BACH2: variants seen among roughly 807,000 people sequenced by gnomAD.
The protein encoded by BACH2 is transcription regulator protein BACH2.
A neutral mutation model predicts 61.8 loss-of-function variants in BACH2; 5 were observed. The ratio of observed to expected loss-of-function variants is 0.08; its 90% CI spans 0.04 to 0.17. The LOEUF is 0.17. Ranked by LOEUF, BACH2 falls within the 10% of genes least tolerant of loss-of-function variation. The probability of loss-of-function intolerance (pLI) is 1.00; values close to 1 mark genes in which losing one functional copy is unlikely to be tolerated. For synonymous variants in BACH2, 446 were observed against 440.1 expected, an observed-to-expected ratio of 1.01 and a Z score of -0.17; for missense variants, 824 against 1,091.1, an observed-to-expected ratio of 0.76 and a Z score of 3.45.
chr6:90,165,234 A>G (rs1767567207), intron 4 of BACH2, among the ~76,000 whole-genome samples: 2 of 152,336 alleles, frequency 1.3e-5, no homozygotes, highest in African/African-American at 2.4e-5. Context: ...TATAAAATCA[A>G]TGTACAAAAA....
At chr6:89,997,128 A>T (rs1380045716) in intron 6 of BACH2, among the ~76,000 whole-genome samples, 1 of 152,148 alleles carries the variant, frequency 6.6e-6, no homozygotes, top group Non-Finnish European at 1.5e-5. Flanking sequence ...ATATAGCTGA[A>T]ATCCCTCCTG....
chr6:90,118,292 T>C (rs1783484985), intron 4 of BACH2, among the ~76,000 whole-genome samples: 1 of 152,198 alleles, frequency 6.6e-6, no homozygotes, highest in Non-Finnish European at 1.5e-5. Context: ...CTGACTAGCT[T>C]TTTCTGCTCT....
At chr6:90,068,760 A>C (rs550346039) in intron 5 of BACH2, among the ~76,000 whole-genome samples, 2 of 152,064 alleles carry the variant, frequency 1.3e-5, no homozygotes, top group African/African-American at 4.8e-5. Context: ...TGGGAGAAAA[A>C]CCAGAAGAAA....
chr6:90,113,037 T>C (rs563501010), intron 4 of BACH2, among the ~76,000 whole-genome samples: 5 of 152,320 alleles, frequency 3.3e-5, no homozygotes, highest in South Asian at 2.1e-4. Flanking sequence ...AAATGTTCAA[T>C]TCAACAAGAA....
Position 89,950,038 on chromosome 6 carries a change from C to T in BACH2, c.1836+232G>A, listed in dbSNP as rs1773982419. On this transcript the variant is annotated intron_variant, in intron 7 of 8. Coordinates refer to ENST00000257749, the MANE Select transcript of BACH2 (RefSeq NM_021813.4). This position sits in a 1 kb window ranked among gnomAD's most constrained non-coding sequence, Gnocchi z 5.3. ...ATTTTTACTCAGCAGCTTGCCTCTG[C>T]TTGTCGAGTATTGAGATCCAGATCA... The T allele has an allele frequency of 3.4e-6, 2 of 582,462 alleles. No homozygotes were observed. The highest frequency in any genetic ancestry group is 3.7e-5 in the African/African-American group (2 of 53,726). 36.1% of individuals were successfully genotyped at this position (582,462 alleles called of 1,614,324 possible).
intron 3 of BACH2, among the ~76,000 whole-genome samples, chr6:90,226,065 T>G (rs1209105844): frequency 1.3e-5 from 2 of 152,142 alleles, no homozygotes; most frequent in Non-Finnish European, 2.9e-5. Context: ...TGAGAACCAC[T>G]GCCCTACAGA....
At chr6:90,022,824 T>A (rs983602418) in intron 5 of BACH2, among the ~76,000 whole-genome samples, 11 of 152,190 alleles carry the variant, frequency 7.2e-5, no homozygotes, top group African/African-American at 2.7e-4. Context: ...TCTAGCAAAG[T>A]TGAAGATATG....
chr6:89,973,130 G>T (rs959847562), intron 6 of BACH2, among the ~76,000 whole-genome samples: 9 of 152,184 alleles, frequency 5.9e-5, no homozygotes, highest in African/African-American at 2.2e-4. Context: ...GGCTGGGCGT[G>T]TTGGCTTGGG....
chr6:90,163,843 TAATA>T (rs1166854825), intron 4 of BACH2, among the ~76,000 whole-genome samples: 1 of 152,184 alleles, frequency 6.6e-6, no homozygotes, highest in Non-Finnish European at 1.5e-5. Flanking sequence ...ACTTTTTCCT[TAATA>T]ACTTATAATT....
intron 3 of BACH2, among the ~76,000 whole-genome samples, chr6:90,226,966 G>A (rs2127858551): frequency 6.6e-6 from 1 of 152,328 alleles, no homozygotes; most frequent in East Asian, 1.9e-4. Flanking sequence ...TAGTATGTGA[G>A]ATTGCTGCTC....
intron 6 of BACH2, among the ~76,000 whole-genome samples, chr6:89,989,374 A>G (rs1776415207): frequency 6.6e-6 from 1 of 152,170 alleles, no homozygotes; most frequent in Non-Finnish European, 1.5e-5. Context: ...TACTTTAGGT[A>G]TGTCACATAA....
intron 8 of BACH2, among the ~76,000 whole-genome samples, chr6:89,936,398 T>C (rs907258536): frequency 3.3e-5 from 5 of 152,094 alleles, no homozygotes; most frequent in African/African-American, 1.2e-4. Flanking sequence ...TGCCTCAGCC[T>C]CCCAAAGTAC....
At chr6:90,207,110 CTTTTTT>C (rs2127849775) in intron 3 of BACH2, among the ~76,000 whole-genome samples, 1 of 151,742 alleles carries the variant, frequency 6.6e-6, no homozygotes, top group East Asian at 1.9e-4. Flanking sequence ...TCTTCTTTGT[CTTTTTT>C]GTTTTTGTTT....
chr6:89,933,003 A>C (rs1772768643), intron 8 of BACH2, 113 bp from the exon 9 acceptor site: 57 of 1,195,946 alleles, frequency 4.8e-5, no homozygotes, highest in African/African-American at 7.6e-5. Context: ...AATGTAACTC[A>C]AGAATGACTA....
chr6:90,035,962 T>C (rs1289139001), intron 5 of BACH2, among the ~76,000 whole-genome samples: 1 of 151,918 alleles, frequency 6.6e-6, no homozygotes, highest in Non-Finnish European at 1.5e-5. Flanking sequence ...AGACAATTTT[T>C]GTTCTAAAAT....
intron 6 of BACH2, among the ~76,000 whole-genome samples, chr6:89,973,739 T>A (rs1445727669): frequency 1.3e-5 from 2 of 152,098 alleles, no homozygotes; most frequent in Non-Finnish European, 2.9e-5. Flanking sequence ...TAGAGGAGTC[T>A]TATTCTCTCG....
chr6:90,211,138 A>AAAG (rs1039694953), intron 3 of BACH2, among the ~76,000 whole-genome samples: 3 of 150,968 alleles, frequency 2.0e-5, no homozygotes, highest in Non-Finnish European at 3.0e-5. Flanking sequence ...AAAAAAAAAA[A>AAAG]AAAAAAAAAA....
chr6:89,930,532 A>C lies in BACH2; in HGVS notation c.*1876T>G, dbSNP rs1772584626. The stretch of plus-strand genomic sequence containing the variant: ...GGACTCTCTTCCCCAGCCGGGCTGG[A>C]GTGGCCCTCGGGCTGCTCAGTGAGA... On this transcript the variant is annotated 3_prime_UTR_variant, in exon 9 of 9. Transcript: ENST00000257749. The C allele has an allele frequency of 6.5e-6, 1 of 152,728 alleles. No homozygotes were observed. The highest frequency in any genetic ancestry group is 2.1e-4 in the South Asian group (1 of 4,822). The allele number at this position is 152,728 out of a possible 1,614,324, so 9.5% of individuals were successfully genotyped here.
At chr6:90,142,089 T>A (rs1004249692) in intron 4 of BACH2, among the ~76,000 whole-genome samples, 25 of 151,794 alleles carry the variant, frequency 1.6e-4, no homozygotes, top group Middle Eastern at 3.4e-3. Flanking sequence ...TCAAAAAAAA[T>A]TTTTTTTTAA....
Sources: allele counts gnomAD v4.1 joint callset (sites outside exome capture counted in the v4.1 genomes callset), GRCh38; gene constraint gnomAD v4.1.1; non-coding constraint Gnocchi (gnomAD v3.1); transcripts MANE v1.5; gene names NCBI Gene and HGNC (gene_info 2026-07-23, HGNC 2026-07-21).